The following PRIMA1 variants were observed in gnomAD, a reference collection of about 807,000 sequenced individuals.
PRIMA1 encodes the protein proline-rich membrane anchor 1.
In PRIMA1, 7 loss-of-function variants were observed where a neutral mutation model predicts 17.5. That is an observed-to-expected ratio of 0.40 (90% CI 0.23 to 0.75). PRIMA1 has a LOEUF of 0.75. Ranked by LOEUF, PRIMA1 falls within the 30% of genes least tolerant of loss-of-function variation. The pLI, the probability that PRIMA1 is intolerant of heterozygous loss-of-function variation, is 0.37. For synonymous variants in PRIMA1, 97 were observed against 77.9 expected, an observed-to-expected ratio of 1.25 and a Z score of -1.29; for missense variants, 200 against 201.8, an observed-to-expected ratio of 0.99 and a Z score of 0.05.
chr14:93,753,203 G>C (rs991025708), intron 3 of PRIMA1, among the ~76,000 whole-genome samples: 2 of 152,192 alleles, frequency 1.3e-5, no homozygotes, highest in African/African-American at 4.8e-5. Context: ...AGTTAAACTG[G>C]ATGGCCTTCC....
intron 4 of PRIMA1, among the ~76,000 whole-genome samples, chr14:93,729,149 T>C (rs2076098232): frequency 6.6e-6 from 1 of 152,192 alleles, no homozygotes; most frequent in Admixed American, 6.5e-5. Flanking sequence ...GAGTCTTGAT[T>C]CTGGACTAAG....
chr14:93,724,954 G>C (rs1038353413), intron 4 of PRIMA1, among the ~76,000 whole-genome samples: 3 of 152,124 alleles, frequency 2.0e-5, no homozygotes, highest in African/African-American at 7.2e-5. Context: ...AAGGTGAGGC[G>C]GTCAGTAGGA....
chr14:93,776,714 A>G (rs752455193), intron 3 of PRIMA1, among the ~76,000 whole-genome samples: 1 of 152,222 alleles, frequency 6.6e-6, no homozygotes, highest in Non-Finnish European at 1.5e-5. Context: ...TAGATGGTAT[A>G]TGGACCCAGC....
At chr14:93,772,941 C>G (rs375907470) in intron 3 of PRIMA1, among the ~76,000 whole-genome samples, 2 of 152,160 alleles carry the variant, frequency 1.3e-5, no homozygotes, top group Admixed American at 6.5e-5. Flanking sequence ...CCATTTATTG[C>G]GTGTTAACTG....
chr14:93,781,402 C>T (rs950361465), intron 2 of PRIMA1, among the ~76,000 whole-genome samples: 2 of 152,240 alleles, frequency 1.3e-5, no homozygotes, highest in African/African-American at 4.8e-5. Flanking sequence ...GCTTCATTCT[C>T]CTAATAGCTG....
intron 3 of PRIMA1, among the ~76,000 whole-genome samples, chr14:93,744,369 A>T (rs569183738): frequency 1.3e-5 from 2 of 152,336 alleles, no homozygotes; most frequent in East Asian, 3.9e-4. Flanking sequence ...CTCTCAGGCC[A>T]CTGCTCTCCA....
rs185417619 is a variant in PRIMA1, at chr14:93,754,441, G to T, written c.230-17071C>A. 3.3e-3 allele frequency among the ~76,000 whole-genome samples: 506 copies of T among 151,570 alleles called. 4 individuals carry two copies. Among genetic ancestry groups the T allele is most frequent in the South Asian group, 0.011 (53 of 4,752 alleles). ...ATTGCCTAGGGGGGCCATGGTGGGG[G>T]GGGCCTTGACCTCTGTCCTCTGGTC... is the stretch of plus-strand genomic sequence containing the variant. On this transcript the variant is annotated intron_variant, in intron 3 of 4. Transcript: ENST00000393140.
Position 93,719,235 on chromosome 14 carries a change from G to A in PRIMA1, c.*2209C>T, listed in dbSNP as rs1001424865. ...GAAGAGGATACAGGCCCCAAAACGTGGTGATGGCTCAGCTGATTCCTCACC... is the reference window on the plus strand; with the variant it reads ...GAAGAGGATACAGGCCCCAAAACGTAGTGATGGCTCAGCTGATTCCTCACC... On this transcript the variant is annotated 3_prime_UTR_variant, in exon 5 of 5. Transcript: ENST00000393140. The A allele has an allele frequency of 2.6e-5, 4 of 152,202 alleles. No individual in the cohort carries two copies. The highest frequency in any genetic ancestry group is 9.7e-5 in the African/African-American group (4 of 41,442). 9.4% of individuals were successfully genotyped at this position (152,202 alleles called of 1,614,324 possible). A position where few individuals can be genotyped will look rare whatever the true frequency, so the allele number is the denominator to read the frequency against.
intron 4 of PRIMA1, among the ~76,000 whole-genome samples, chr14:93,727,244 C>A (rs1196782236): frequency 6.6e-6 from 1 of 152,204 alleles, no homozygotes; most frequent in Non-Finnish European, 1.5e-5. Flanking sequence ...CTTGCATCCT[C>A]CCCTGGGAGC....
chr14:93,758,710 T>C (rs2076308068), intron 3 of PRIMA1, among the ~76,000 whole-genome samples: 1 of 152,122 alleles, frequency 6.6e-6, no homozygotes, highest in Non-Finnish European at 1.5e-5. Context: ...TCCAGCCACT[T>C]AGAATGTCAG....
In PRIMA1 at chr14:93,779,233, G is replaced by GCC; in HGVS notation, c.171_172insGG (p.Pro58GlyfsTer38). ...GGTGGGGGCGGCGGGGGCAGCGGGG[G>GCC]AGGGGGCCGGCACTGGCAGACGTGT... is the stretch of plus-strand genomic sequence containing the variant. On this transcript the variant is annotated frameshift_variant, in exon 3 of 5. Transcript: ENST00000393140. LOFTEE classifies it high-confidence loss of function. 3 of 1,094,090 alleles carry GCC rather than the reference G, an allele frequency of 2.7e-6. No individual in the cohort carries two copies. Among genetic ancestry groups the GCC allele is most frequent in the Non-Finnish European group, 3.9e-6 (3 of 775,636 alleles). 67.8% of individuals were successfully genotyped at this position (1,094,090 alleles called of 1,614,324 possible).
intron 3 of PRIMA1, among the ~76,000 whole-genome samples, chr14:93,769,266 T>TGGGCCAGGACC (rs1884983355): frequency 6.6e-6 from 1 of 152,228 alleles, no homozygotes; most frequent in African/African-American, 2.4e-5. Flanking sequence ...GTTCCAGGGC[T>TGGGCCAGGACC]GGGCCAGGAC....
intron 3 of PRIMA1, among the ~76,000 whole-genome samples, chr14:93,775,087 C>T (rs1885175102): frequency 6.6e-6 from 1 of 152,190 alleles, no homozygotes; most frequent in Non-Finnish European, 1.5e-5. Flanking sequence ...CTCAGGATGC[C>T]CAACGCAGGG....
intron 4 of PRIMA1, among the ~76,000 whole-genome samples, chr14:93,730,237 A>G (rs1043106917): frequency 1.3e-5 from 2 of 152,220 alleles, no homozygotes; most frequent in Non-Finnish European, 2.9e-5. Context: ...TGTGCACACA[A>G]CCACGCATTC....
chr14:93,743,958 C>T (rs551248026), intron 3 of PRIMA1, among the ~76,000 whole-genome samples: 32 of 152,388 alleles, frequency 2.1e-4, no homozygotes, highest in Admixed American at 5.9e-4. Context: ...GGCCCTGCCT[C>T]AGCCAGCTTG....
intron 3 of PRIMA1, among the ~76,000 whole-genome samples, chr14:93,755,414 T>C (rs2076284933): frequency 6.6e-6 from 1 of 152,128 alleles, no homozygotes; most frequent in African/African-American, 2.4e-5. Flanking sequence ...GGAGAGGCTG[T>C]TTTTCAGATG....
intron 4 of PRIMA1, among the ~76,000 whole-genome samples, chr14:93,731,764 G>A (rs1424216507): frequency 2.6e-5 from 4 of 152,108 alleles, no homozygotes; most frequent in African/African-American, 9.7e-5. Context: ...TGTTTCTTCT[G>A]CATCCCTTGT....
intron 3 of PRIMA1, among the ~76,000 whole-genome samples, chr14:93,757,568 G>A (rs1398279127): frequency 6.6e-6 from 1 of 152,254 alleles, no homozygotes; most frequent in African/African-American, 2.4e-5. Context: ...GGTGGGGGCT[G>A]GAGGGAGGGG....
chr14:93,728,432 G>A (rs974008868), intron 4 of PRIMA1, among the ~76,000 whole-genome samples: 3 of 152,170 alleles, frequency 2.0e-5, no homozygotes, highest in African/African-American at 7.2e-5. Flanking sequence ...TGGGATGGAG[G>A]CCTGTGCAGC....
Sources: allele counts gnomAD v4.1 joint callset (sites outside exome capture counted in the v4.1 genomes callset), GRCh38; gene constraint gnomAD v4.1.1; transcripts MANE v1.5; gene names NCBI Gene and HGNC (gene_info 2026-07-23, HGNC 2026-07-21).